The following ZNF616 variants were observed in gnomAD, a reference collection of about 807,000 sequenced individuals.
ZNF616 encodes zinc finger protein 616.
Under a neutral mutation model 7.6 loss-of-function variants are expected in ZNF616, and 5 were observed. That is an observed-to-expected ratio of 0.66 (90% CI 0.34 to 1.38). The LOEUF (loss-of-function observed/expected upper bound fraction) is 1.38, where lower values mean the gene tolerates loss of function less well. Among genes scored for constraint, ZNF616 ranks in the 40% most tolerant of loss-of-function variants. The probability of loss-of-function intolerance (pLI) is 0.04; values close to 1 mark genes in which losing one functional copy is unlikely to be tolerated. For missense variants in ZNF616, 913 were observed against 948.3 expected, an observed-to-expected ratio of 0.96 and a Z score of 0.49; for synonymous variants, 319 against 317.2, an observed-to-expected ratio of 1.01 and a Z score of -0.06.
intron 1 of ZNF616, among the ~76,000 whole-genome samples, chr19:52,131,963 G>A (rs1243541894): frequency 6.6e-6 from 1 of 152,100 alleles, no homozygotes; most frequent in Admixed American, 6.5e-5. Context: ...CTGTGTGGCT[G>A]GAGCAGAGGG....
intron 1 of ZNF616, among the ~76,000 whole-genome samples, chr19:52,132,060 C>T (rs942315753): frequency 3.3e-5 from 5 of 152,166 alleles, no homozygotes; most frequent in Non-Finnish European, 7.4e-5. Flanking sequence ...ACATTTTTCT[C>T]CCACAGCTCA....
At position 52,115,040 on chromosome 19, in the gene ZNF616, C is replaced by T. The variant is rs1482429976; in HGVS notation, c.2124G>A (p.Gln708=). 3 of 1,614,050 alleles carry T rather than the reference C, an allele frequency of 1.9e-6. No individual in the cohort carries two copies. Among genetic ancestry groups the T allele is most frequent in the South Asian group, 1.1e-5 (1 of 91,080 alleles). ...FRHSSHLVSH[Q]RIHTGEKRYK... ...ATCTTTTCTCTCCAGTGTGGATTCT[C>T]TGGTGACTTACAAGATGTGAACTAT... Residue 708 remains glutamine (Q), a synonymous_variant, in exon 4 of 4, where the codon CAG becomes CAA. Coordinates refer to ENST00000600228, the MANE Select transcript of ZNF616 (RefSeq NM_178523.5).
intron 3 of ZNF616, among the ~76,000 whole-genome samples, chr19:52,121,938 GA>G (rs1232996237): frequency 6.6e-6 from 1 of 151,888 alleles, no homozygotes; most frequent in African/African-American, 2.4e-5. Context: ...AGCATGACGG[GA>G]AAAAATATAT....
Position 52,123,983 on chromosome 19 carries a change from C to A in ZNF616, c.79G>T (p.Val27Leu), listed in dbSNP as rs755625891. The A allele has an allele frequency of 6.2e-7, 1 of 1,614,128 alleles. No individual in the cohort carries two copies. Among genetic ancestry groups the A allele is most frequent in the Non-Finnish European group, 8.5e-7 (1 of 1,180,008 alleles). ...ACATCCTTGTACAAAGCTTTCTGCA[C>A]AGGCTCCAGGCATTTCCACTCCTCC... ...SQEEWKCLEPVQKALYKDVML... is the reference protein window; with the variant it reads ...SQEEWKCLEPLQKALYKDVML... Residue 27 changes from valine to leucine, a missense_variant, in exon 3 of 4, where the codon GTG becomes TTG. Coordinates refer to ENST00000600228, the MANE Select transcript of ZNF616 (RefSeq NM_178523.5).
intron 1 of ZNF616, among the ~76,000 whole-genome samples, chr19:52,136,613 A>G (rs1172121061): frequency 6.6e-6 from 1 of 152,196 alleles, no homozygotes; most frequent in Admixed American, 6.5e-5. Flanking sequence ...ATGGAGAAAA[A>G]TGAGCCCTTG....
intron 2 of ZNF616, among the ~76,000 whole-genome samples, chr19:52,125,102 ACT>A (rs1473114814): frequency 6.6e-6 from 1 of 152,170 alleles, no homozygotes; most frequent in Non-Finnish European, 1.5e-5. Context: ...AGAGAAAAAC[ACT>A]CAGACCACAG....
At chr19:52,117,485 C>A (rs1600121757) in intron 3 of ZNF616, among the ~76,000 whole-genome samples, 1 of 152,064 alleles carries the variant, frequency 6.6e-6, no homozygotes, top group African/African-American at 2.4e-5. Context: ...TAATAATCAT[C>A]ATATAAATTA....
At chr19:52,137,947 A>T (rs2089026928) in intron 1 of ZNF616, among the ~76,000 whole-genome samples, 1 of 152,228 alleles carries the variant, frequency 6.6e-6, no homozygotes, top group Admixed American at 6.5e-5. Context: ...GGAAAAAAGT[A>T]AATCCATTAA....
At chr19:52,124,248 T>C (rs774246164) in intron 2 of ZNF616, among the ~76,000 whole-genome samples, 199 bp from the exon 3 acceptor site, 4 of 152,256 alleles carry the variant, frequency 2.6e-5, no homozygotes, top group Non-Finnish European at 5.9e-5. Context: ...CATCAGTGTA[T>C]AGTTCTATTT....
At chr19:52,137,564 A>T (rs2089023158) in intron 1 of ZNF616, among the ~76,000 whole-genome samples, 1 of 152,218 alleles carries the variant, frequency 6.6e-6, no homozygotes, top group Admixed American at 6.5e-5. Flanking sequence ...AGTAGAATCT[A>T]AAAAAGTCCA....
intron 3 of ZNF616, among the ~76,000 whole-genome samples, chr19:52,120,065 C>A (rs1016370805): frequency 2.0e-5 from 3 of 152,028 alleles, no homozygotes; most frequent in Admixed American, 6.5e-5. Flanking sequence ...GAAGAAGACA[C>A]GCTGGCAAAA....
At chr19:52,126,152 C>T (rs901940269) in intron 2 of ZNF616, among the ~76,000 whole-genome samples, 3 of 152,152 alleles carry the variant, frequency 2.0e-5, no homozygotes, top group Non-Finnish European at 2.9e-5. Context: ...CAGGGAAATA[C>T]GGTCTACAAA....
chr19:52,133,588 G>A (rs1375106410), intron 1 of ZNF616, among the ~76,000 whole-genome samples: 9 of 151,886 alleles, frequency 5.9e-5, no homozygotes, highest in Admixed American at 2.0e-4. Flanking sequence ...GCACGATCTC[G>A]GCTCACTGCA....
chr19:52,117,024 C>T lies in ZNF616; in HGVS notation c.140G>A (p.Gly47Asp). The T allele has an allele frequency of 1.3e-6, 2 of 1,548,104 alleles. No individual in the cohort carries two copies. The highest frequency in any genetic ancestry group is 1.7e-6 in the Non-Finnish European group (2 of 1,154,076). Residue 47 changes from glycine to aspartate, a missense_variant and splice_region_variant, in exon 4 of 4, where the codon GGT becomes GAT. Gly to Asp is a moderately conservative substitution (Grantham distance 94). Transcript: ENST00000600228. ...CTTGATCACACATTTAGGAGAGATA[C>T]CTGCAAAATATAATGAACATGAGTT... ...LENYRNLVFL[G>D]ISPKCVIKEL...
Position 52,114,838 on chromosome 19 carries a change from G to A in ZNF616, c.2326C>T (p.Leu776Phe). The A allele has an allele frequency of 5.7e-6, 9 of 1,586,112 alleles. No individual in the cohort carries two copies. The highest frequency in any genetic ancestry group is 1.7e-4 in the Middle Eastern group (1 of 5,904). ...AACGTCTAAGGCCTTGTCACATTGAGTTTAGTTGTAAGGCTCTCTCCAGTA... is the reference window on the plus strand; with the variant it reads ...AACGTCTAAGGCCTTGTCACATTGAATTTAGTTGTAAGGCTCTCTCCAGTA... ...RHTGESLTTK[L>F]NVTRP Residue 776 changes from leucine to phenylalanine, a missense_variant, in exon 4 of 4, where the codon CTC becomes TTC. Leu to Phe is a conservative substitution (Grantham distance 22, BLOSUM62 0). Transcript: ENST00000600228.
Position 52,116,954 on chromosome 19 carries a change from T to A in ZNF616, c.210A>T (p.Gln70His). 1 of 1,613,386 alleles carries A rather than the reference T, an allele frequency of 6.2e-7. No homozygotes were observed. The highest frequency in any genetic ancestry group is 8.5e-7 in the Non-Finnish European group (1 of 1,179,788). Residue 70 changes from glutamine (Q) to histidine (H), a missense_variant, in exon 4 of 4, where the codon CAA becomes CAT. Physicochemically the swap from Gln to His is conservative, Grantham distance 24. Transcript: ENST00000600228. ...TTTGATGTCTTTCCAGTGCCACTGT[T>A]TGGAACCTTTCTCCTGTATTACTGT... ...TENSNTGERFQTVALERHQSY... is the reference protein window; with the variant it reads ...TENSNTGERFHTVALERHQSY...
chr19:52,115,052 A>T lies in ZNF616; in HGVS notation c.2112T>A (p.Leu704=), dbSNP rs766506864. The T allele has an allele frequency of 1.9e-6, 3 of 1,614,156 alleles. No homozygotes were observed. In the Admixed American group the frequency reaches 5.0e-5, roughly 27 times the overall value. ...CAGTGTGGATTCTCTGGTGACTTAC[A>T]AGATGTGAACTATGCCTGAATACCT... is the stretch of plus-strand genomic sequence containing the variant. ...CGKVFRHSSH[L]VSHQRIHTGE... is the part of the protein sequence containing the mutation. Residue 704 remains leucine, a synonymous_variant, in exon 4 of 4, where the codon CTT becomes CTA. Coordinates refer to ENST00000600228, the MANE Select transcript of ZNF616 (RefSeq NM_178523.5).
At position 52,115,190 on chromosome 19, in the gene ZNF616, G is replaced by C; in HGVS notation, c.1974C>G (p.Asp658Glu). 5 of 1,614,114 alleles carry C rather than the reference G, an allele frequency of 3.1e-6. No individual in the cohort carries two copies. Among genetic ancestry groups the C allele is most frequent in the Non-Finnish European group, 4.2e-6 (5 of 1,180,014 alleles). The change falls in exon 4 of 4, where the codon GAC (aspartate) becomes GAG (glutamate). Residue 658 changes from aspartate (D) to glutamate (E), a missense_variant. Physicochemically the swap from Asp to Glu is conservative, Grantham distance 45. Coordinates refer to ENST00000600228, the MANE Select transcript of ZNF616 (RefSeq NM_178523.5). ...CACACTCATTACATTTGTAAGGTCTGTCTCCAGTATGAACAGTCTGATGAA... is the reference window on the plus strand; with the variant it reads ...CACACTCATTACATTTGTAAGGTCTCTCTCCAGTATGAACAGTCTGATGAA... ...LRLHQTVHTG[D>E]RPYKCNECGK...
chr19:52,120,955 T>G (rs2088860364), intron 3 of ZNF616, among the ~76,000 whole-genome samples: 1 of 152,228 alleles, frequency 6.6e-6, no homozygotes, highest in African/African-American at 2.4e-5. Flanking sequence ...GGACCTAACC[T>G]ACATATGCAC....
Sources: gnomAD v4.1 joint callset for allele counts (sites outside exome capture counted in the v4.1 genomes callset) on GRCh38, gnomAD v4.1.1 for gene constraint, MANE v1.5 for transcripts, NCBI Gene and HGNC (gene_info 2026-07-23, HGNC 2026-07-21) for gene names.